The following LTBP2 variants were observed in gnomAD, a reference collection of about 807,000 sequenced individuals.
The protein encoded by LTBP2 is latent-transforming growth factor beta-binding protein 2.
A neutral mutation model predicts 210.6 loss-of-function variants in LTBP2; 103 were observed. That is an observed-to-expected ratio of 0.49 (90% confidence interval 0.42 to 0.58). The LOEUF is 0.58. Among genes scored for constraint, LTBP2 ranks in the 20% least tolerant of loss-of-function variants. The probability of loss-of-function intolerance (pLI) is 0.00; values close to 1 mark genes in which losing one functional copy is unlikely to be tolerated. For missense variants in LTBP2, 2,313 were observed against 2,494.5 expected (o/e 0.93, Z 1.55); for synonymous variants, 1,007 against 1,015.0 (o/e 0.99, Z 0.15).
intron 3 of LTBP2, among the ~76,000 whole-genome samples, chr14:74,556,083 G>A (rs1267026218): frequency 6.6e-6 from 1 of 152,142 alleles, no homozygotes; most frequent in Admixed American, 6.6e-5. Context: ...ACCAAGTCCT[G>A]TACCTACTCC....
At chr14:74,532,402 C>T (rs768465041) in intron 10 of LTBP2, 24 bp downstream of exon 10, 7 of 1,613,388 alleles carry the variant, frequency 4.3e-6, no homozygotes, top group Middle Eastern at 1.7e-4. Context: ...TGTCCACCCC[C>T]ACCCCATCCC....
intron 8 of LTBP2, 46 bp from the exon 9 acceptor site, chr14:74,536,046 C>G (rs772322484): frequency 5.2e-6 from 8 of 1,539,394 alleles, no homozygotes; most frequent in Non-Finnish European, 7.2e-6. Flanking sequence ...GGCCCCTGGG[C>G]TCCTCTGTCA....
At chr14:74,562,070 C>T (rs1429452209) in intron 3 of LTBP2, among the ~76,000 whole-genome samples, 1 of 151,860 alleles carries the variant, frequency 6.6e-6, no homozygotes, top group African/African-American at 2.4e-5. Flanking sequence ...ATTAGCTGGG[C>T]GTGTTGGTGG....
chr14:74,529,034 G>A lies in LTBP2; in HGVS notation c.2076C>T (p.Thr692=). 1 of 1,588,532 alleles carries A rather than the reference G, an allele frequency of 6.3e-7. No homozygotes were observed. The highest frequency in any genetic ancestry group is 8.6e-7 in the Non-Finnish European group (1 of 1,167,326). Residue 692 remains threonine (T), a synonymous_variant, in exon 11 of 36, where the codon ACC becomes ACT. Transcript: ENST00000261978. ...TCTLPLAQRI[T]KQICCCSRVG... The stretch of plus-strand genomic sequence containing the variant: ...CGCGGCTGCAGCAGCATATCTGCTT[G>A]GTGATCCGCTGGGCCAAAGGCAGGG...
chr14:74,535,333 C>T (rs1275723655), intron 9 of LTBP2, among the ~76,000 whole-genome samples: 1 of 152,168 alleles, frequency 6.6e-6, no homozygotes, highest in Admixed American at 6.5e-5. Context: ...ACCATACAGA[C>T]AACTGTTTGT....
At chr14:74,525,880 G>A (rs185006224) in intron 14 of LTBP2, among the ~76,000 whole-genome samples, 195 bp downstream of exon 14, 94 of 152,340 alleles carry the variant, frequency 6.2e-4, no homozygotes, top group Non-Finnish European at 1.2e-3. Flanking sequence ...GCGTCATGGG[G>A]TCTCTCGCTG....
At chr14:74,560,224 A>G (rs1416551696) in intron 3 of LTBP2, among the ~76,000 whole-genome samples, 1 of 152,212 alleles carries the variant, frequency 6.6e-6, no homozygotes, top group Non-Finnish European at 1.5e-5. Flanking sequence ...AAGAAAAGAC[A>G]TTTCAGAGCC....
chr14:74,549,865 G>T lies in LTBP2; in HGVS notation c.1787C>A (p.Pro596Gln). The change falls in exon 8 of 36, where the codon CCA (proline) becomes CAA (glutamine). Residue 596 changes from proline (P) to glutamine (Q), a missense_variant and splice_region_variant. Pro to Gln is a moderately conservative substitution (Grantham distance 76). Around this residue, in one of 3 missense-constraint regions of LTBP2, gnomAD observed 1,867 missense variants for 1,976.9 expected, o/e 0.94. Coordinates refer to ENST00000261978, the MANE Select transcript of LTBP2 (RefSeq NM_000428.3). ...VTLCAPCPPRPASPVIENGQL... is the reference protein window; with the variant it reads ...VTLCAPCPPRQASPVIENGQL... ...TGACCTTGGACTCCAGCACTCACCT[G>T]GTCTGGGTGGGCATGGGGCACACAA... 1 of 1,613,144 alleles carries T rather than the reference G, an allele frequency of 6.2e-7. No individual in the cohort carries two copies. The highest frequency in any genetic ancestry group is 1.1e-5 in the South Asian group (1 of 91,056).
Position 74,528,546 on chromosome 14 carries a change from C to G in LTBP2, c.2305G>C (p.Glu769Gln), listed in dbSNP as rs562708197. 6.2e-7 allele frequency: 1 copy of G among 1,613,012 alleles called. No homozygotes were observed. Among genetic ancestry groups the G allele is most frequent in the East Asian group, 2.2e-5 (1 of 44,886 alleles). ...RSSGALPGPA[E>Q]RQPLRVVTDT... ...GTGACGACCCGGAGGGGCTGCCTCT[C>G]TGCTGGCCCGGGCAGTGCCCCGCTG... is the stretch of plus-strand genomic sequence containing the variant. Residue 769 changes from glutamate to glutamine, a missense_variant, in exon 12 of 36, where the codon GAG (glutamate) becomes CAG (glutamine). Coordinates refer to ENST00000261978, the MANE Select transcript of LTBP2 (RefSeq NM_000428.3).
chr14:74,540,933 T>TA (rs2087499538), intron 8 of LTBP2, among the ~76,000 whole-genome samples: 1 of 24,254 alleles, frequency 4.1e-5, no homozygotes, highest in Non-Finnish European at 1.0e-3. Flanking sequence ...AGGTTATATA[T>TA]ATATATATAT....
At position 74,582,397 on chromosome 14, in the gene LTBP2, TACACACACACACACACAC is replaced by T. The variant is rs58985238; in HGVS notation, c.830+3439_830+3456del. On this transcript the variant is annotated intron_variant, in intron 3 of 35. Coordinates refer to ENST00000261978, the MANE Select transcript of LTBP2 (RefSeq NM_000428.3). ...GTGTACATGCACACACACACATACA[TACACACACACACACACAC>T]ACACACACACACACACACTCCAGTT... 3.6e-5 allele frequency among the ~76,000 whole-genome samples: 5 copies of T among 140,832 alleles called. No individual in the cohort carries two copies. In the East Asian group the frequency reaches 8.6e-4, roughly 24 times the overall value. The allele number at this position is 140,832 out of a possible 152,430, so 92.4% of individuals were successfully genotyped here. A position where few individuals can be genotyped will look rare whatever the true frequency, so the allele number is the denominator to read the frequency against.
At chr14:74,561,376 T>C (rs2087792026) in intron 3 of LTBP2, among the ~76,000 whole-genome samples, 2 of 152,212 alleles carry the variant, frequency 1.3e-5, no homozygotes, top group African/African-American at 2.4e-5. Context: ...TGAAGCCAGA[T>C]ATTTTATATA....
rs376626987 is a variant in LTBP2, at chr14:74,503,403, C to T, written c.4721-17G>A. On this transcript the variant is annotated splice_polypyrimidine_tract_variant and intron_variant, in intron 32 of 35. Coordinates refer to ENST00000261978, the MANE Select transcript of LTBP2 (RefSeq NM_000428.3). The stretch of plus-strand genomic sequence containing the variant: ...GGAGGTCCTCTGGTGGCACAGGGCA[C>T]GGAGGCACATGAGCCCCCCAGCCCA... 48 of 1,610,822 alleles carry T rather than the reference C, an allele frequency of 3.0e-5. No individual in the cohort carries two copies. Among genetic ancestry groups the T allele is most frequent in the East Asian group, 6.7e-5 (3 of 44,832 alleles).
At chr14:74,589,897 A>G (rs2088257938) in intron 2 of LTBP2, among the ~76,000 whole-genome samples, 1 of 152,068 alleles carries the variant, frequency 6.6e-6, no homozygotes, top group Non-Finnish European at 1.5e-5. Flanking sequence ...AAGGTCATGC[A>G]GCTTCCACCT....
In LTBP2 at chr14:74,611,935, G is replaced by A. The variant is rs773927709; in HGVS notation, c.10C>T (p.Arg4Trp). The change falls in exon 1 of 36, where the codon CGG becomes TGG. Residue 4 changes from arginine to tryptophan, a missense_variant. This residue lies in a region of LTBP2 where 1,867 missense variants were observed against 1,976.9 expected (regional missense o/e 0.94). Coordinates refer to ENST00000261978, the MANE Select transcript of LTBP2 (RefSeq NM_000428.3). ...CGCCCCGGGCTGCGGGCTTTGGTCC[G>A]CGGCCTCATGGCGCGGGGCGGCTGG... is the stretch of plus-strand genomic sequence containing the variant. MRPRTKARSPGRAL... is the reference protein window; with the variant it reads MRPWTKARSPGRAL... The A allele has an allele frequency of 7.8e-5, 124 of 1,581,080 alleles. No individual in the cohort carries two copies. The Admixed American group carries it at 2.0e-3, about 25-fold the overall frequency.
In LTBP2 at chr14:74,522,853, C is replaced by T. The variant is rs148126707; in HGVS notation, c.2596G>A (p.Asp866Asn). The T allele has an allele frequency of 2.2e-5, 35 of 1,612,634 alleles. No homozygotes were observed. The highest frequency in any genetic ancestry group is 1.6e-4 in the Middle Eastern group (1 of 6,082). The change falls in exon 16 of 36, where the codon GAT becomes AAT. Residue 866 changes from aspartate (D) to asparagine (N), a missense_variant. Transcript: ENST00000261978. ...CGPGTCVNLP[D>N]GYRCVCSPGY... ...GGGCTGCAGACACATCTGTATCCAT[C>T]GGGGAGGTTCACGCAGGTTCCAGGG...
intron 5 of LTBP2, 25 bp downstream of exon 5, chr14:74,552,867 C>A (rs753953084): frequency 6.2e-7 from 1 of 1,606,024 alleles, no homozygotes; most frequent in Non-Finnish European, 8.5e-7. Flanking sequence ...CAGCTGGGAA[C>A]CATCTGAGCA....
intron 3 of LTBP2, among the ~76,000 whole-genome samples, chr14:74,573,301 A>G (rs1297440894): frequency 6.6e-6 from 1 of 152,212 alleles, no homozygotes; most frequent in Non-Finnish European, 1.5e-5. Context: ...CCCTCCTCAC[A>G]GGGTCATGGC....
chr14:74,594,141 C>T (rs997356883), intron 2 of LTBP2, among the ~76,000 whole-genome samples: 1 of 152,136 alleles, frequency 6.6e-6, no homozygotes, highest in Non-Finnish European at 1.5e-5. Context: ...CAGAGATAAA[C>T]AACCAAGGGC....
Sources: allele counts gnomAD v4.1 joint callset (sites outside exome capture counted in the v4.1 genomes callset), GRCh38; gene constraint gnomAD v4.1.1; regional missense constraint gnomAD v4.1.1; transcripts MANE v1.5; gene names NCBI Gene and HGNC (gene_info 2026-07-23, HGNC 2026-07-21).